Variants in PREX1 observed in about 807,000 individuals in gnomAD.
PREX1 encodes the protein phosphatidylinositol 3,4,5-trisphosphate-dependent Rac exchanger 1 protein.
A neutral mutation model predicts 198.3 loss-of-function variants in PREX1; 41 were observed. That is an observed-to-expected ratio of 0.21 (90% CI 0.16 to 0.27). PREX1 has a LOEUF of 0.27. Ranked by LOEUF, PREX1 falls within the 10% of genes least tolerant of loss-of-function variation. PREX1 has a pLI of 1.00. For missense variants in PREX1, 1,620 were observed against 2,200.7 expected (o/e 0.74, Z 5.28); for synonymous variants, 843 against 887.2 (o/e 0.95, Z 0.89).
chr20:48,702,848 C>T (rs936648112), intron 6 of PREX1, among the ~76,000 whole-genome samples: 1 of 152,218 alleles, frequency 6.6e-6, no homozygotes, highest in Non-Finnish European at 1.5e-5. Flanking sequence ...AAGGTACAGA[C>T]AACAGGGTGC....
At chr20:48,788,199 C>T (rs1470911930) in intron 1 of PREX1, among the ~76,000 whole-genome samples, 3 of 152,166 alleles carry the variant, frequency 2.0e-5, no homozygotes, top group Admixed American at 6.5e-5. Flanking sequence ...AGGGAACAGG[C>T]GGGCAGTGTC....
chr20:48,715,264 G>A (rs2089956840), intron 5 of PREX1, among the ~76,000 whole-genome samples: 1 of 152,166 alleles, frequency 6.6e-6, no homozygotes, highest in African/African-American at 2.4e-5. Flanking sequence ...GGAGTCCAAT[G>A]GGACCAGTGC....
upstream of PREX1, among the ~76,000 whole-genome samples, chr20:48,832,053 G>GC (rs1341926482): frequency 6.6e-6 from 1 of 151,740 alleles, no homozygotes; most frequent in Non-Finnish European, 1.5e-5. Flanking sequence ...GTATGTCAGG[G>GC]CAGGGCCTGA....
At chr20:48,767,546 C>T (rs1008381109) in intron 1 of PREX1, among the ~76,000 whole-genome samples, 2 of 152,134 alleles carry the variant, frequency 1.3e-5, no homozygotes, top group Non-Finnish European at 2.9e-5. Flanking sequence ...AGATAACGAA[C>T]CCTAACTTCA....
At chr20:48,656,637 A>C (rs1427828761) in intron 18 of PREX1, 1 of 440,736 alleles carries the variant, frequency 2.3e-6, no homozygotes, top group East Asian at 6.9e-5. Flanking sequence ...CCCGACTCGC[A>C]GTGACGTCTC....
the PREX1 span, among the ~76,000 whole-genome samples, chr20:48,857,570 C>G: frequency 6.6e-6 from 1 of 151,570 alleles, no homozygotes; most frequent in Admixed American, 6.6e-5. Context: ...GAGTTTGAGA[C>G]CAGCCTGGGC....
At chr20:48,644,172 G>A (rs2089434540) in intron 27 of PREX1, among the ~76,000 whole-genome samples, 1 of 152,210 alleles carries the variant, frequency 6.6e-6, no homozygotes, top group Admixed American at 6.5e-5. Flanking sequence ...GAGAACATCA[G>A]CTCTAAGAGG....
At chr20:48,740,969 T>A (rs1364746671) in intron 3 of PREX1, among the ~76,000 whole-genome samples, 25 of 152,256 alleles carry the variant, frequency 1.6e-4, no homozygotes, top group Non-Finnish European at 2.4e-4. Flanking sequence ...GATGCAAATT[T>A]CTCTTTTTAA....
At chr20:48,795,157 T>C (rs926327082) in intron 1 of PREX1, among the ~76,000 whole-genome samples, 1 of 152,166 alleles carries the variant, frequency 6.6e-6, no homozygotes, top group Non-Finnish European at 1.5e-5. Flanking sequence ...GGCTCGGGTC[T>C]GTTCCATCAC....
chr20:48,772,766 C>A (rs953049335), intron 1 of PREX1, among the ~76,000 whole-genome samples: 5 of 152,206 alleles, frequency 3.3e-5, no homozygotes, highest in African/African-American at 9.7e-5. Context: ...TGGCTGAGTG[C>A]CAAGGCCAAT....
intron 1 of PREX1, among the ~76,000 whole-genome samples, chr20:48,811,413 G>A (rs1430548883): frequency 6.6e-6 from 1 of 152,166 alleles, no homozygotes; most frequent in African/African-American, 2.4e-5. Flanking sequence ...CAGTGGTTCT[G>A]ATCATAAGTA....
chr20:48,859,508 A>G, the PREX1 span, among the ~76,000 whole-genome samples: 1 of 152,222 alleles, frequency 6.6e-6, no homozygotes, highest in Non-Finnish European at 1.5e-5. Context: ...GATGACTACT[A>G]TCAAAAAGTA....
intron 1 of PREX1, among the ~76,000 whole-genome samples, chr20:48,799,997 T>C (rs1179266627): frequency 6.6e-6 from 1 of 152,178 alleles, no homozygotes; most frequent in African/African-American, 2.4e-5. Flanking sequence ...GCCTGACTTG[T>C]GGGCCAGCTG....
At chr20:48,766,507 C>G (rs1297831933) in intron 1 of PREX1, among the ~76,000 whole-genome samples, 3 of 152,196 alleles carry the variant, frequency 2.0e-5, no homozygotes, top group Non-Finnish European at 4.4e-5. Flanking sequence ...CAGCTGTTCC[C>G]CAAACACACC....
chr20:48,855,869 C>G, the PREX1 span, among the ~76,000 whole-genome samples: 1 of 152,158 alleles, frequency 6.6e-6, no homozygotes, highest in Non-Finnish European at 1.5e-5. Flanking sequence ...CCACTGTACT[C>G]CGGCCTGGGC....
At chr20:48,702,044 T>A (rs555054015) in intron 6 of PREX1, among the ~76,000 whole-genome samples, 6 of 151,904 alleles carry the variant, frequency 3.9e-5, no homozygotes, top group African/African-American at 1.2e-4. Flanking sequence ...ACCCCATCTC[T>A]ACAAAAATAC....
chr20:48,755,955 C>G (rs1226706512), intron 1 of PREX1, among the ~76,000 whole-genome samples: 1 of 152,024 alleles, frequency 6.6e-6, no homozygotes, highest in Non-Finnish European at 1.5e-5. Context: ...AACACACAGG[C>G]TCTCTCTCGC....
At position 48,645,913 on chromosome 20, in the gene PREX1, C is replaced by T. The variant is rs1208505224; in HGVS notation, c.3450G>A (p.Lys1150=). ...AGTCCTCCTGGTCCTCCTCGGCCAC[C>T]TTGAAGCACACCTTCTTGATGCCCC... The part of the protein sequence containing the change: ...DHGGIKKVCF[K]VAEEDQEDSG... The change falls in exon 26 of 40, where the codon AAG becomes AAA. Residue 1150 remains lysine, a synonymous_variant. Coordinates refer to ENST00000371941, the MANE Select transcript of PREX1 (RefSeq NM_020820.4). 19 of 1,614,086 alleles carry T rather than the reference C, an allele frequency of 1.2e-5. No individual in the cohort carries two copies. Among genetic ancestry groups the T allele is most frequent in the Non-Finnish European group, 1.4e-5 (17 of 1,180,032 alleles).
intron 32 of PREX1, among the ~76,000 whole-genome samples, chr20:48,635,926 G>A (rs955832528): frequency 1.3e-5 from 2 of 152,154 alleles, no homozygotes; most frequent in South Asian, 4.1e-4. Flanking sequence ...ATCAAGTGAT[G>A]GCCAATCTGT....
Sources: allele counts gnomAD v4.1 joint callset (sites outside exome capture counted in the v4.1 genomes callset), GRCh38; gene constraint gnomAD v4.1.1; transcripts MANE v1.5; gene names NCBI Gene and HGNC (gene_info 2026-07-23, HGNC 2026-07-21).